Variants in ABHD2 observed in about 807,000 individuals in gnomAD.
The protein encoded by ABHD2 is abhydrolase domain containing 2, acylglycerol lipase.
A neutral mutation model predicts 48.1 loss-of-function variants in ABHD2; 20 were observed. That is an observed-to-expected ratio of 0.42 (90% CI 0.29 to 0.60). ABHD2 has a LOEUF of 0.60. Ranked by LOEUF, ABHD2 falls within the 20% of genes least tolerant of loss-of-function variation. ABHD2 has a pLI of 0.24. For missense variants in ABHD2, 405 were observed against 550.9 expected, an observed-to-expected ratio of 0.74 and a Z score of 2.65; for synonymous variants, 209 against 214.2, an observed-to-expected ratio of 0.98 and a Z score of 0.21.
At position 89,146,996 on chromosome 15, in the gene ABHD2, C is replaced by T. The variant is rs1198214085; in HGVS notation, c.195-4681C>T. Among the ~76,000 whole-genome samples, 2 of 152,140 alleles carry T rather than the reference C, an allele frequency of 1.3e-5. No homozygotes were observed. Among genetic ancestry groups the T allele is most frequent in the African/African-American group, 2.4e-5 (1 of 41,416 alleles). ...AATTTTGAAAAATAACAAAGGCAGC[C>T]TGCGCTATCAACTATCAAAGTATCT... On this transcript the variant is annotated intron_variant, in intron 3 of 10. Coordinates refer to ENST00000352732, the MANE Select transcript of ABHD2 (RefSeq NM_152924.5). The surrounding 1 kb of genome is among the most constrained non-coding windows in gnomAD (Gnocchi z 4.2).
Position 89,188,086 on chromosome 15 carries a change from GACC to G in ABHD2, c.816-104_816-102del. The G allele has an allele frequency of 1.2e-6, 1 of 824,612 alleles. No individual in the cohort carries two copies. The highest frequency in any genetic ancestry group is 2.0e-6 in the Non-Finnish European group (1 of 494,230). The allele number at this position is 824,612 out of a possible 1,614,324, so 51.1% of individuals were successfully genotyped here. On this transcript the variant is annotated intron_variant, in intron 7 of 10. Coordinates refer to ENST00000352732, the MANE Select transcript of ABHD2 (RefSeq NM_152924.5). This position sits in a 1 kb window ranked among gnomAD's most constrained non-coding sequence, Gnocchi z 4.1. ...AAGGCTAAAGGTTCTATTTCTAACT[GACC>G]ACGTTGGCTCTCCCTCCTGGCTTGC...
the ABHD2 span, among the ~76,000 whole-genome samples, chr15:89,065,611 C>A: frequency 6.6e-6 from 1 of 152,184 alleles, no homozygotes; most frequent in African/African-American, 2.4e-5. Context: ...CTAAATGCAG[C>A]ATAATTGACT....
chr15:89,160,235 T>C lies in ABHD2; in HGVS notation c.538+4701T>C, dbSNP rs78345316. The stretch of plus-strand genomic sequence containing the variant: ...CCCGTGTTTGTTACTTTTGACTGGT[T>C]AATTGAGGCAGGTCCACAGTTAACA... On this transcript the variant is annotated intron_variant, in intron 5 of 10. Transcript: ENST00000352732. Among the ~76,000 whole-genome samples the C allele has an allele frequency of 4.4e-3, 666 of 152,364 alleles. 7 individuals are homozygous for C. The highest frequency in any genetic ancestry group is 0.015 in the African/African-American group (628 of 41,588).
the ABHD2 span, among the ~76,000 whole-genome samples, chr15:89,041,644 G>A: frequency 6.6e-6 from 1 of 152,194 alleles, no homozygotes; most frequent in Admixed American, 6.5e-5. Flanking sequence ...GATGTCCTAG[G>A]AGTCCACTAA....
At chr15:89,159,981 A>G (rs1307061216) in intron 5 of ABHD2, among the ~76,000 whole-genome samples, 1 of 152,256 alleles carries the variant, frequency 6.6e-6, no homozygotes, top group African/African-American at 2.4e-5. Flanking sequence ...GCTCAAACAA[A>G]TAGGACCTTA....
At chr15:89,135,496 A>G (rs2050293266) in intron 3 of ABHD2, 1 of 923,002 alleles carries the variant, frequency 1.1e-6, no homozygotes, top group South Asian at 1.4e-5. Context: ...AGTTATGTAC[A>G]GGTTAAATGC....
At chr15:89,133,326 T>C (rs8032330) in intron 3 of ABHD2, among the ~76,000 whole-genome samples, 4,583 of 152,322 alleles carry the variant, frequency 0.03, 229 homozygotes, top group African/African-American at 0.1. Context: ...TTGTAATCTT[T>C]TGCTTTCACA....
the ABHD2 span, among the ~76,000 whole-genome samples, chr15:89,044,678 G>GT: frequency 2.0e-5 from 3 of 151,772 alleles, no homozygotes; most frequent in African/African-American, 7.3e-5. Flanking sequence ...TTTTTCATGT[G>GT]TTTTTTGGCT....
intron 3 of ABHD2, among the ~76,000 whole-genome samples, chr15:89,118,556 G>A (rs1298140483): frequency 6.6e-6 from 1 of 152,094 alleles, no homozygotes; most frequent in Non-Finnish European, 1.5e-5. Flanking sequence ...AGTTTGGGTA[G>A]GACTGCTAGA....
At chr15:89,130,058 G>A (rs938914906) in intron 3 of ABHD2, among the ~76,000 whole-genome samples, 5 of 152,124 alleles carry the variant, frequency 3.3e-5, no homozygotes, top group African/African-American at 1.2e-4. Context: ...ACCTCATAAT[G>A]TTAAGACTTG....
At chr15:89,044,689 G>A in the ABHD2 span, among the ~76,000 whole-genome samples, 3 of 151,936 alleles carry the variant, frequency 2.0e-5, no homozygotes, top group South Asian at 2.1e-4. Context: ...TTTTTTGGCT[G>A]CATAAATGTC....
chr15:89,170,999 C>G (rs1248830392), intron 5 of ABHD2, among the ~76,000 whole-genome samples: 1 of 151,858 alleles, frequency 6.6e-6, no homozygotes, highest in Non-Finnish European at 1.5e-5. Context: ...GCCTGTAATC[C>G]CAGCTACTCA....
chr15:89,052,542 G>GGCAGACACACAC, the ABHD2 span, among the ~76,000 whole-genome samples: 140 of 139,044 alleles, frequency 1.0e-3, 1 homozygote, highest in Admixed American at 2.3e-3. Context: ...CAGACAGACA[G>GGCAGACACACAC]ACAGACAGAC....
the ABHD2 span, among the ~76,000 whole-genome samples, chr15:89,049,395 C>G: frequency 6.6e-6 from 1 of 152,256 alleles, no homozygotes; most frequent in South Asian, 2.1e-4. Flanking sequence ...GGCAGGCCTC[C>G]TTGAGCTGTG....
the ABHD2 span, among the ~76,000 whole-genome samples, chr15:89,055,923 G>A: frequency 6.6e-6 from 1 of 152,052 alleles, no homozygotes; most frequent in Non-Finnish European, 1.5e-5. Flanking sequence ...GAGTGCAGTG[G>A]CGTGATCACG....
At chr15:89,058,357 AC>A in the ABHD2 span, among the ~76,000 whole-genome samples, 5 of 152,194 alleles carry the variant, frequency 3.3e-5, no homozygotes, top group Admixed American at 6.5e-5. Flanking sequence ...CACTCCTAGT[AC>A]CTAGCATGTG....
intron 3 of ABHD2, among the ~76,000 whole-genome samples, chr15:89,147,081 A>G (rs1002170885): frequency 7.9e-5 from 12 of 152,232 alleles, no homozygotes; most frequent in African/African-American, 2.4e-4. Flanking sequence ...AAATAGATCA[A>G]TAAACTAGAA....
chr15:89,191,716 CT>C (rs56790240), intron 9 of ABHD2, among the ~76,000 whole-genome samples: 151,153 of 151,156 alleles, frequency 1, 75,575 homozygotes, highest in Middle Eastern at 1. Context: ...CAATCTCCAC[CT>C]TCCCAGGTTC....
intron 1 of ABHD2, among the ~76,000 whole-genome samples, chr15:89,103,670 G>C (rs1157263294): frequency 4.6e-5 from 7 of 152,204 alleles, no homozygotes; most frequent in Non-Finnish European, 1.0e-4. Context: ...CTGGAGACAA[G>C]TAGTGTAGAG....
Sources: allele counts gnomAD v4.1 joint callset (sites outside exome capture counted in the v4.1 genomes callset), GRCh38; gene constraint gnomAD v4.1.1; non-coding constraint Gnocchi (gnomAD v3.1); transcripts MANE v1.5; gene names NCBI Gene and HGNC (gene_info 2026-07-23, HGNC 2026-07-21).